MYT1L: variants seen among roughly 807,000 people sequenced by gnomAD.
The protein encoded by MYT1L is myelin transcription factor 1-like protein.
In MYT1L, 12 loss-of-function variants were observed where a neutral mutation model predicts 126.7. The ratio of observed to expected loss-of-function variants is 0.09; its 90% CI spans 0.06 to 0.15. The LOEUF (loss-of-function observed/expected upper bound fraction) is 0.15, where lower values mean the gene tolerates loss of function less well. MYT1L is among the 10% of genes least tolerant of loss of function. The pLI is 1.00. For synonymous variants in MYT1L, 541 were observed against 604.2 expected (o/e 0.90, Z 1.53); for missense variants, 979 against 1,585.2 (o/e 0.62, Z 6.49).
At chr2:1,974,361 T>C (rs1265312316) in intron 8 of MYT1L, 1 of 152,188 alleles carries the variant, frequency 6.6e-6, no homozygotes, top group East Asian at 1.9e-4. Context: ...CAGGTGACCA[T>C]GTGCAGGAAA....
intron 1 of MYT1L, among the ~76,000 whole-genome samples, chr2:2,302,025 T>C (rs571962799): frequency 6.6e-6 from 1 of 152,260 alleles, no homozygotes; most frequent in Admixed American, 6.5e-5. Flanking sequence ...GAGGGCAGGC[T>C]CATCAATGGC....
At chr2:1,914,504 A>G (rs1463493626) in intron 11 of MYT1L, among the ~76,000 whole-genome samples, 1 of 151,986 alleles carries the variant, frequency 6.6e-6, no homozygotes, top group Non-Finnish European at 1.5e-5. Flanking sequence ...AGTTTCCACG[A>G]ATGCTACTCC....
intron 9 of MYT1L, among the ~76,000 whole-genome samples, chr2:1,937,471 C>T (rs1469690976): frequency 3.3e-5 from 5 of 150,928 alleles, no homozygotes; most frequent in South Asian, 4.2e-4. Flanking sequence ...GCCATCAGAT[C>T]GTACGTCGAG....
intron 21 of MYT1L, among the ~76,000 whole-genome samples, chr2:1,836,785 C>T (rs1385267635): frequency 6.6e-6 from 1 of 152,114 alleles, no homozygotes; most frequent in African/African-American, 2.4e-5. Context: ...AGCCTGCACC[C>T]CAAGATCCCA....
chr2:2,086,457 G>C (rs1025449548), intron 3 of MYT1L, among the ~76,000 whole-genome samples: 2 of 152,204 alleles, frequency 1.3e-5, no homozygotes, highest in African/African-American at 4.8e-5. Flanking sequence ...AAAATAGGCA[G>C]TTAATCTCGG....
chr2:2,192,417 ATTT>A (rs33963632), intron 2 of MYT1L, among the ~76,000 whole-genome samples: 9,756 of 144,990 alleles, frequency 0.067, 663 homozygotes, highest in African/African-American at 0.17. Context: ...TGTTAGTTTC[ATTT>A]TTTTTTTTTT....
At chr2:1,918,040 G>A (rs1197573495) in intron 10 of MYT1L, among the ~76,000 whole-genome samples, 1 of 152,114 alleles carries the variant, frequency 6.6e-6, no homozygotes, top group East Asian at 1.9e-4. Flanking sequence ...TCTGTACTTG[G>A]AACCAGAGGA....
chr2:2,084,789 C>T (rs2076195529), intron 3 of MYT1L, among the ~76,000 whole-genome samples: 1 of 152,174 alleles, frequency 6.6e-6, no homozygotes, highest in South Asian at 2.1e-4. Flanking sequence ...ATTTGTTACA[C>T]AGACATAGAT....
intron 2 of MYT1L, among the ~76,000 whole-genome samples, chr2:2,283,300 T>C (rs1210318180): frequency 6.6e-6 from 1 of 152,210 alleles, no homozygotes; most frequent in Non-Finnish European, 1.5e-5. Context: ...ATTATTTTAA[T>C]ATTCTAATGT....
chr2:2,079,734 G>A (rs557759319), intron 3 of MYT1L, among the ~76,000 whole-genome samples: 4 of 152,012 alleles, frequency 2.6e-5, no homozygotes, highest in Non-Finnish European at 5.9e-5. Context: ...GTGAACCCGG[G>A]AGGCGGAGCT....
At chr2:1,971,274 A>G (rs1321408420) in intron 8 of MYT1L, among the ~76,000 whole-genome samples, 2 of 152,220 alleles carry the variant, frequency 1.3e-5, no homozygotes, top group Non-Finnish European at 2.9e-5. Flanking sequence ...TTGCATTCAC[A>G]ATACAACAAC....
chr2:2,090,052 G>T (rs1464223071), intron 3 of MYT1L, among the ~76,000 whole-genome samples: 1 of 152,094 alleles, frequency 6.6e-6, no homozygotes. Flanking sequence ...CCCTCTGCAG[G>T]TATCATACAC....
intron 2 of MYT1L, among the ~76,000 whole-genome samples, chr2:2,198,673 A>G (rs1043216412): frequency 1.2e-4 from 19 of 152,068 alleles, no homozygotes; most frequent in Admixed American, 1.2e-3. Context: ...CTTGACCAAC[A>G]TGGTGAAACC....
chr2:2,248,296 C>T (rs910663229), intron 2 of MYT1L, among the ~76,000 whole-genome samples: 1 of 151,912 alleles, frequency 6.6e-6, no homozygotes, highest in African/African-American at 2.4e-5. Context: ...TTGATAAATT[C>T]CTAGACACAT....
intron 21 of MYT1L, among the ~76,000 whole-genome samples, chr2:1,835,812 TCAA>T (rs1455850606): frequency 6.6e-6 from 1 of 152,100 alleles, no homozygotes; most frequent in East Asian, 1.9e-4. Context: ...CGGAGGAATA[TCAA>T]CATTTCCGTG....
intron 3 of MYT1L, among the ~76,000 whole-genome samples, chr2:2,054,736 C>T (rs908680217): frequency 1.2e-4 from 18 of 147,336 alleles, no homozygotes; most frequent in Non-Finnish European, 2.4e-4. Context: ...TGACAAGACA[C>T]ATCATGAGCA....
At chr2:2,010,913 G>T (rs993455633) in intron 4 of MYT1L, among the ~76,000 whole-genome samples, 1 of 152,184 alleles carries the variant, frequency 6.6e-6, no homozygotes, top group African/African-American at 2.4e-5. Flanking sequence ...GCTAGTCAAA[G>T]GGGAGAGAAT....
chr2:1,925,907 A>G (rs1051074626), intron 9 of MYT1L, among the ~76,000 whole-genome samples: 1 of 152,198 alleles, frequency 6.6e-6, no homozygotes, highest in Non-Finnish European at 1.5e-5. Flanking sequence ...ATCTCCTACA[A>G]GAACCATGTC....
chr2:2,296,231 G>T (rs1559588491), intron 1 of MYT1L, among the ~76,000 whole-genome samples: 1 of 152,162 alleles, frequency 6.6e-6, no homozygotes, highest in Non-Finnish European at 1.5e-5. Context: ...TGAAACAAAA[G>T]CTATTTAAGA....
Sources: allele counts gnomAD v4.1 joint callset (sites outside exome capture counted in the v4.1 genomes callset), GRCh38; gene constraint gnomAD v4.1.1; transcripts MANE v1.5; gene names NCBI Gene and HGNC (gene_info 2026-07-23, HGNC 2026-07-21).